Variants in CAMK2A observed in about 807,000 individuals in gnomAD.
The protein encoded by CAMK2A is calcium/calmodulin dependent protein kinase II alpha.
Under a neutral mutation model 79.2 loss-of-function variants are expected in CAMK2A, and 7 were observed. The ratio of observed to expected loss-of-function variants is 0.09; its 90% confidence interval spans 0.05 to 0.17. The LOEUF (loss-of-function observed/expected upper bound fraction) is 0.17. CAMK2A is among the 10% of genes least tolerant of loss of function. The pLI, the probability that CAMK2A is intolerant of heterozygous loss-of-function variation, is 1.00. For missense variants in CAMK2A, 214 were observed against 646.4 expected (o/e 0.33, Z 7.25); for synonymous variants, 242 against 251.7 (o/e 0.96, Z 0.36).
chr5:150,225,041 G>GGGGA (rs369772519), intron 17 of CAMK2A, among the ~76,000 whole-genome samples: 2 of 108,898 alleles, frequency 1.8e-5, no homozygotes, highest in Admixed American at 1.0e-4. Flanking sequence ...TGGTAGGTAG[G>GGGGA]GAGAGAGAGA....
chr5:150,254,807 G>T (rs893797398), intron 6 of CAMK2A, among the ~76,000 whole-genome samples: 1 of 152,208 alleles, frequency 6.6e-6, no homozygotes, highest in Non-Finnish European at 1.5e-5. Flanking sequence ...GTGGTGCATG[G>T]ATTAACTGAG....
chr5:150,271,050 C>A (rs1221549775), intron 2 of CAMK2A, among the ~76,000 whole-genome samples: 1 of 152,220 alleles, frequency 6.6e-6, no homozygotes, highest in Non-Finnish European at 1.5e-5. Context: ...TAACCCGTCA[C>A]CCCCTGTCCC....
chr5:150,249,468 TG>T (rs1487004623), intron 11 of CAMK2A, among the ~76,000 whole-genome samples: 10 of 152,186 alleles, frequency 6.6e-5, no homozygotes, highest in African/African-American at 2.4e-4. Context: ...GAACCACTTG[TG>T]GTGCCCCTAA....
intron 1 of CAMK2A, among the ~76,000 whole-genome samples, chr5:150,288,251 A>G (rs1171154890): frequency 6.6e-6 from 1 of 152,058 alleles, no homozygotes; most frequent in African/African-American, 2.4e-5. Flanking sequence ...CCTCACACAC[A>G]TGTGCCTTCC....
chr5:150,240,168 G>C (rs7735762), intron 13 of CAMK2A, among the ~76,000 whole-genome samples: 16 of 152,122 alleles, frequency 1.1e-4, no homozygotes, highest in African/African-American at 3.6e-4. Flanking sequence ...TAGGCTCCCC[G>C]TGCATCTCGG....
intron 11 of CAMK2A, among the ~76,000 whole-genome samples, chr5:150,248,442 C>G (rs926127095): frequency 2.0e-5 from 3 of 150,728 alleles, no homozygotes; most frequent in African/African-American, 7.3e-5. Context: ...CCCATTAACT[C>G]GTCATTTACA....
At chr5:150,238,546 T>C (rs1407545166) in intron 15 of CAMK2A, 154 bp downstream of exon 15, 1 of 751,596 alleles carries the variant, frequency 1.3e-6, no homozygotes, top group South Asian at 1.5e-5. Flanking sequence ...GAATGATGCC[T>C]CCCAGTGTGC....
intron 13 of CAMK2A, among the ~76,000 whole-genome samples, chr5:150,240,903 G>A (rs888168013): frequency 3.9e-5 from 6 of 152,232 alleles, no homozygotes; most frequent in Non-Finnish European, 7.3e-5. Context: ...AGGGACTCGA[G>A]GAGCCCACAG....
chr5:150,286,120 G>A (rs7728531), intron 1 of CAMK2A, among the ~76,000 whole-genome samples: 8,136 of 152,184 alleles, frequency 0.053, 305 homozygotes, highest in Non-Finnish European at 0.086. Flanking sequence ...TGCAAGCTTC[G>A]GTGCCGCTAG....
chr5:150,272,311 TC>T (rs1017391102), intron 2 of CAMK2A, among the ~76,000 whole-genome samples: 5 of 152,224 alleles, frequency 3.3e-5, no homozygotes, highest in Admixed American at 3.3e-4. Flanking sequence ...ACACGTGTAA[TC>T]CCAGCACTTT....
chr5:150,272,368 C>T (rs1756782219), intron 2 of CAMK2A, among the ~76,000 whole-genome samples: 1 of 152,108 alleles, frequency 6.6e-6, no homozygotes, highest in African/African-American at 2.4e-5. Context: ...AGTTCGAGAC[C>T]AGCCTGGCCA....
chr5:150,222,237 T>C lies in CAMK2A; in HGVS notation c.*473A>G, dbSNP rs1238344940. Reference sequence around the variant, plus strand: ...CTTCTCCCCACTCCTTCAGTGCGGTTGGCTTAGGGGGAAGGGAGTGTCATC... The same window carrying C: ...CTTCTCCCCACTCCTTCAGTGCGGTCGGCTTAGGGGGAAGGGAGTGTCATC... On this transcript the variant is annotated 3_prime_UTR_variant, in exon 19 of 19. Transcript: ENST00000671881. 1 of 504,652 alleles carries C rather than the reference T, an allele frequency of 2.0e-6. No individual in the cohort carries two copies. Among genetic ancestry groups the C allele is most frequent in the African/African-American group, 1.9e-5 (1 of 52,050 alleles). 31.3% of individuals were successfully genotyped at this position (504,652 alleles called of 1,614,324 possible). A position where few individuals can be genotyped will look rare whatever the true frequency, so the allele number is the denominator to read the frequency against.
chr5:150,219,937 T>C lies in CAMK2A; in HGVS notation c.*2773A>G, dbSNP rs1754224260. 6.6e-6 allele frequency: 1 copy of C among 152,580 alleles called. No homozygotes were observed. The highest frequency in any genetic ancestry group is 2.4e-5 in the African/African-American group (1 of 41,418). 9.5% of individuals were successfully genotyped at this position (152,580 alleles called of 1,614,324 possible). A position where few individuals can be genotyped will look rare whatever the true frequency, so the allele number is the denominator to read the frequency against. The stretch of plus-strand genomic sequence containing the variant: ...TTGGAGGAGCACAGAGTTTGTCTGG[T>C]GAGGGTAGGCTCTGGGCAGATTTTT... On this transcript the variant is annotated 3_prime_UTR_variant, in exon 19 of 19. Transcript: ENST00000671881.
chr5:150,273,285 CA>C, intron 1 of CAMK2A, 126 bp from the exon 2 acceptor site: 1 of 691,018 alleles, frequency 1.4e-6, no homozygotes, highest in Non-Finnish European at 2.5e-6. Context: ...CTCAAGCTCA[CA>C]GGGGCTTCTG....
At chr5:150,272,802 G>T (rs1260592060) in intron 2 of CAMK2A, among the ~76,000 whole-genome samples, 1 of 151,728 alleles carries the variant, frequency 6.6e-6, no homozygotes, top group African/African-American at 2.4e-5. Flanking sequence ...GGAAAGGAGG[G>T]CCCATCTGGT....
chr5:150,255,948 C>T (rs1490281989), intron 6 of CAMK2A, among the ~76,000 whole-genome samples: 3 of 152,344 alleles, frequency 2.0e-5, no homozygotes, highest in South Asian at 2.1e-4. Context: ...GGATCAGCAG[C>T]GGAGATCCAT....
chr5:150,269,325 G>T (rs1209712215), intron 2 of CAMK2A, among the ~76,000 whole-genome samples: 1 of 152,172 alleles, frequency 6.6e-6, no homozygotes, highest in Non-Finnish European at 1.5e-5. Flanking sequence ...ACATTCTGGG[G>T]TGAGGTCCCT....
Position 150,284,516 on chromosome 5 carries a change from G to A in CAMK2A, c.62+5048C>T, listed in dbSNP as rs1172003930. 6.6e-6 allele frequency among the ~76,000 whole-genome samples: 1 copy of A among 152,106 alleles called. No individual in the cohort carries two copies. Among genetic ancestry groups the A allele is most frequent in the Non-Finnish European group, 1.5e-5 (1 of 68,022 alleles). ...GGGGAGGAAGGGAGGGAGGGAGGGA[G>A]GCTCAGCAGAGTGTCAGTGTGTCTC... On this transcript the variant is annotated intron_variant, in intron 1 of 18. Transcript: ENST00000671881. The surrounding 1 kb of genome is among the most constrained non-coding windows in gnomAD (Gnocchi z 5.3).
At chr5:150,260,184 C>G (rs1007463771) in intron 3 of CAMK2A, among the ~76,000 whole-genome samples, 6 of 151,994 alleles carry the variant, frequency 3.9e-5, no homozygotes, top group Non-Finnish European at 8.8e-5. Context: ...TGGCCGGGCA[C>G]AGTGGCTCAC....
Sources: gnomAD v4.1 joint callset for allele counts (sites outside exome capture counted in the v4.1 genomes callset) on GRCh38, gnomAD v4.1.1 for gene constraint, Gnocchi (gnomAD v3.1) non-coding constraint, MANE v1.5 for transcripts, NCBI Gene and HGNC (gene_info 2026-07-23, HGNC 2026-07-21) for gene names.